The following DLGAP1 variants were observed in gnomAD, a reference collection of about 807,000 sequenced individuals.
DLGAP1 encodes the protein DLG associated protein 1, also known as disks large-associated protein 1.
In DLGAP1, 11 loss-of-function variants were observed where a neutral mutation model predicts 90.8. The observed-to-expected ratio is 0.12, with a 90% CI of 0.08 to 0.20. The LOEUF is 0.20. DLGAP1 is among the 10% of genes least tolerant of loss of function. The pLI, the probability that DLGAP1 is intolerant of heterozygous loss-of-function variation, is 1.00. For missense variants in DLGAP1, 1,050 were observed against 1,333.8 expected (o/e 0.79, Z 3.31); for synonymous variants, 558 against 540.7 (o/e 1.03, Z -0.44).
chr18:3,919,501 G>C (rs956360899), intron 3 of DLGAP1, among the ~76,000 whole-genome samples: 2 of 152,200 alleles, frequency 1.3e-5, no homozygotes, highest in Non-Finnish European at 2.9e-5. Flanking sequence ...TTTTGCCCAA[G>C]GAGGTCCCAG....
At chr18:3,831,264 C>T (rs981250244) in intron 4 of DLGAP1, among the ~76,000 whole-genome samples, 3 of 152,136 alleles carry the variant, frequency 2.0e-5, no homozygotes, top group African/African-American at 4.8e-5. Flanking sequence ...CATGGCAGGA[C>T]GAGTCAAACA....
At chr18:4,250,258 G>A (rs2078753713) in intron 1 of DLGAP1, among the ~76,000 whole-genome samples, 1 of 152,072 alleles carries the variant, frequency 6.6e-6, no homozygotes, top group Non-Finnish European at 1.5e-5. Context: ...TAACCAAGAG[G>A]GCAAAATATT....
At chr18:3,506,369 C>T (rs190947137) in intron 11 of DLGAP1, among the ~76,000 whole-genome samples, 341 of 150,882 alleles carry the variant, frequency 2.3e-3, no homozygotes, top group African/African-American at 7.7e-3. Flanking sequence ...CAAAATTGGC[C>T]GGCTGTGGTG....
At position 3,647,392 on chromosome 18, in the gene DLGAP1, A is replaced by G. The variant is rs568286994; in HGVS notation, c.1592-65144T>C. On this transcript the variant is annotated intron_variant, in intron 7 of 12. Coordinates refer to ENST00000315677, the MANE Select transcript of DLGAP1 (RefSeq NM_004746.4). ...AAAACGATAACAAAACTATAAATAA[A>G]TATCTAAAATATATTGAATGCCTAC... Among the ~76,000 whole-genome samples, 23 of 152,132 alleles carry G rather than the reference A, an allele frequency of 1.5e-4. No homozygotes were observed. In the South Asian group the frequency reaches 4.6e-3, roughly 30 times the overall value.
intron 7 of DLGAP1, among the ~76,000 whole-genome samples, chr18:3,616,868 T>C (rs2057893230): frequency 6.6e-6 from 1 of 152,020 alleles, no homozygotes; most frequent in African/African-American, 2.4e-5. Flanking sequence ...TGGAAGGAAG[T>C]GACACTGCAT....
At chr18:4,000,599 G>A (rs2074162968) in intron 3 of DLGAP1, among the ~76,000 whole-genome samples, 1 of 152,206 alleles carries the variant, frequency 6.6e-6, no homozygotes. Context: ...CCCAGGAAAG[G>A]CTCATAGGAA....
chr18:3,502,902 G>A (rs563730576), intron 11 of DLGAP1, among the ~76,000 whole-genome samples: 5 of 152,220 alleles, frequency 3.3e-5, no homozygotes, highest in Non-Finnish European at 7.4e-5. Context: ...TATGGGGGAA[G>A]GGTCTAAACA....
rs2074761657 is a variant in DLGAP1 at position 4,029,713 on chromosome 18, A to G, written c.-158-24512T>C. ...GTCTTCCTAGTAGACATAATTCCCA[A>G]TAATATTGAATTCTTGGTCCTTGCT... On this transcript the variant is annotated intron_variant, in intron 2 of 12. Transcript: ENST00000315677. Among the ~76,000 whole-genome samples, 3 of 152,248 alleles carry G rather than the reference A, an allele frequency of 2.0e-5. No homozygotes were observed. In the South Asian group the frequency reaches 6.2e-4, roughly 32 times the overall value.
chr18:4,381,510 GT>G (rs1249424325), intron 1 of DLGAP1, among the ~76,000 whole-genome samples: 2 of 150,616 alleles, frequency 1.3e-5, no homozygotes, highest in African/African-American at 4.9e-5. Context: ...TATGCTGTCT[GT>G]TATTTCATAC....
chr18:3,908,369 T>C (rs1248418388), intron 3 of DLGAP1, among the ~76,000 whole-genome samples: 1 of 152,206 alleles, frequency 6.6e-6, no homozygotes, highest in Non-Finnish European at 1.5e-5. Context: ...GTTTAATAGA[T>C]TAAATATCTC....
In DLGAP1 at chr18:3,524,210, G is replaced by A. The variant is rs1037236771; in HGVS notation, c.2479+9984C>T. Among the ~76,000 whole-genome samples, 4 of 151,946 alleles carry A rather than the reference G, an allele frequency of 2.6e-5. No individual in the cohort carries two copies. The South Asian group carries it at 8.3e-4, about 32-fold the overall frequency. On this transcript the variant is annotated intron_variant, in intron 10 of 12. Coordinates refer to ENST00000315677, the MANE Select transcript of DLGAP1 (RefSeq NM_004746.4). The stretch of plus-strand genomic sequence containing the variant: ...GAACTGATTGAGCCTGGGCAGTTAA[G>A]TCTGCAGTAAGCTATCATCACACCA...
At position 3,653,697 on chromosome 18, in the gene DLGAP1, G is replaced by A. The variant is rs2059389899; in HGVS notation, c.1592-71449C>T. 1 of 152,136 alleles carries A rather than the reference G, an allele frequency of 6.6e-6. No individual in the cohort carries two copies. The highest frequency in any genetic ancestry group is 2.4e-5 in the African/African-American group (1 of 41,436). 9.4% of individuals were successfully genotyped at this position (152,136 alleles called of 1,614,324 possible). A position where few individuals can be genotyped will look rare whatever the true frequency, so the allele number is the denominator to read the frequency against. ...TTATTTTTCCTTGAAAAGAATAAGAGAATCTACCTAAAATATTAATACTAG... is the reference window on the plus strand; with the variant it reads ...TTATTTTTCCTTGAAAAGAATAAGAAAATCTACCTAAAATATTAATACTAG... On this transcript the variant is annotated intron_variant, in intron 7 of 12. Coordinates refer to ENST00000315677, the MANE Select transcript of DLGAP1 (RefSeq NM_004746.4). This position sits in a 1 kb window ranked among gnomAD's most constrained non-coding sequence, Gnocchi z 4.6.
At chr18:3,942,266 T>G (rs2072784555) in intron 3 of DLGAP1, among the ~76,000 whole-genome samples, 1 of 152,126 alleles carries the variant, frequency 6.6e-6, no homozygotes, top group Non-Finnish European at 1.5e-5. Context: ...GCCCTCTGAG[T>G]GTTGCTATCT....
chr18:4,421,009 T>C lies in DLGAP1; in HGVS notation c.-267+33997A>G, dbSNP rs1222899194. ...GAGATTTTTCCCTTGAAACTATTAT[T>C]AGTATCTTCAAAAACAGTGAAGTCT... On this transcript the variant is annotated intron_variant, in intron 1 of 12. Transcript: ENST00000315677. Among the ~76,000 whole-genome samples the C allele has an allele frequency of 2.6e-5, 4 of 152,210 alleles. No individual in the cohort carries two copies. The South Asian group carries it at 6.2e-4, about 24-fold the overall frequency.
chr18:3,661,736 C>T (rs2059691605), intron 7 of DLGAP1, among the ~76,000 whole-genome samples: 1 of 151,818 alleles, frequency 6.6e-6, no homozygotes, highest in South Asian at 2.1e-4. Context: ...GCCACCATGC[C>T]TGGATGATTT....
rs774643230 is a variant in DLGAP1 at position 3,740,740 on chromosome 18, G to GACC, written c.1350+1592_1350+1594dup. Among the ~76,000 whole-genome samples the GACC allele has an allele frequency of 6.0e-5, 9 of 148,808 alleles. No individual in the cohort carries two copies. In the South Asian group the frequency reaches 6.5e-4, roughly 11 times the overall value. The stretch of plus-strand genomic sequence containing the variant: ...TCACTGCTACCACCATCACAATCAC[G>GACC]ACCACCACCACCACCACTGTCACCA... On this transcript the variant is annotated intron_variant, in intron 6 of 12. Transcript: ENST00000315677.
intron 4 of DLGAP1, among the ~76,000 whole-genome samples, chr18:3,815,752 T>C (rs1023932508): frequency 2.0e-5 from 3 of 152,078 alleles, no homozygotes; most frequent in East Asian, 3.9e-4. Flanking sequence ...TCATTTTTCA[T>C]GACGTGAAAA....
intron 3 of DLGAP1, among the ~76,000 whole-genome samples, chr18:3,959,649 G>A (rs1218630090): frequency 5.0e-5 from 7 of 139,178 alleles, no homozygotes; most frequent in Middle Eastern, 3.5e-3. Flanking sequence ...GGGTGACAGA[G>A]CGAGACTCTG....
intron 1 of DLGAP1, among the ~76,000 whole-genome samples, chr18:4,311,748 C>T (rs1421123459): frequency 6.6e-6 from 1 of 152,102 alleles, no homozygotes; most frequent in East Asian, 1.9e-4. Flanking sequence ...CAGAATCTCG[C>T]TCTGTCGCCC....
Sources: allele counts gnomAD v4.1 joint callset (sites outside exome capture counted in the v4.1 genomes callset), GRCh38; gene constraint gnomAD v4.1.1; non-coding constraint Gnocchi (gnomAD v3.1); transcripts MANE v1.5; gene names NCBI Gene and HGNC (gene_info 2026-07-23, HGNC 2026-07-21).